The following RTN4 variants were observed in gnomAD, a reference collection of about 807,000 sequenced individuals.
RTN4 encodes reticulon-4.
In RTN4, 32 loss-of-function variants were observed where a neutral mutation model predicts 90.4. That is an observed-to-expected ratio of 0.35 (90% CI 0.27 to 0.48). The LOEUF is 0.48. Among genes scored for constraint, RTN4 ranks in the 20% least tolerant of loss-of-function variants. The pLI is 0.99. For synonymous variants in RTN4, 629 were observed against 552.5 expected, an observed-to-expected ratio of 1.14 and a Z score of -1.94; for missense variants, 1,706 against 1,430.2, an observed-to-expected ratio of 1.19 and a Z score of -3.11.
chr2:55,036,437 A>G (rs780857498), intron 1 of RTN4, among the ~76,000 whole-genome samples: 9 of 151,842 alleles, frequency 5.9e-5, no homozygotes, highest in Non-Finnish European at 1.0e-4. Context: ...CCCTGTCTCT[A>G]CTAAAAATAC....
intron 4 of RTN4, among the ~76,000 whole-genome samples, chr2:54,983,367 G>A (rs1293091065): frequency 3.3e-5 from 5 of 150,124 alleles, no homozygotes; most frequent in Admixed American, 3.3e-4. Flanking sequence ...ATACTATACT[G>A]GGGAAAAAGT....
intron 1 of RTN4, among the ~76,000 whole-genome samples, chr2:55,046,033 C>A (rs534687947): frequency 6.6e-6 from 1 of 152,290 alleles, no homozygotes; most frequent in Admixed American, 6.5e-5. Context: ...CTGGGCACAA[C>A]AGCAAACAGT....
At chr2:55,133,881 T>C in the RTN4 span, among the ~76,000 whole-genome samples, 3,906 of 152,182 alleles carry the variant, frequency 0.026, 164 homozygotes, top group African/African-American at 0.09. Flanking sequence ...GAGAGCAAAG[T>C]GAAAGCAAGT....
chr2:55,119,127 C>T, the RTN4 span, among the ~76,000 whole-genome samples: 1 of 152,138 alleles, frequency 6.6e-6, no homozygotes, highest in South Asian at 2.1e-4. Context: ...GATGGACTGC[C>T]CAATTATTAC....
chr2:55,090,580 A>G (rs1456481362), intron 1 of RTN4, among the ~76,000 whole-genome samples: 1 of 152,178 alleles, frequency 6.6e-6, no homozygotes, highest in Non-Finnish European at 1.5e-5. Flanking sequence ...TCCACCTGGA[A>G]GTTTCGCCAA....
intron 3 of RTN4, among the ~76,000 whole-genome samples, chr2:55,015,734 T>C (rs1680985214): frequency 6.6e-6 from 1 of 152,226 alleles, no homozygotes; most frequent in African/African-American, 2.4e-5. Context: ...CGAGTCATAG[T>C]AGATAACTCT....
At chr2:55,123,171 GC>G in the RTN4 span, among the ~76,000 whole-genome samples, 1 of 152,128 alleles carries the variant, frequency 6.6e-6, no homozygotes, top group Non-Finnish European at 1.5e-5. Context: ...GGAAGATAAA[GC>G]AATAGAATGC....
At chr2:55,063,746 T>C (rs1668342263) in intron 2 of RTN4, among the ~76,000 whole-genome samples, 2 of 151,772 alleles carry the variant, frequency 1.3e-5, no homozygotes, top group Non-Finnish European at 2.9e-5. Context: ...CCGGGCGTGG[T>C]GGTGGGCGCC....
chr2:55,047,575 G>GA (rs5831333), intron 1 of RTN4, among the ~76,000 whole-genome samples: 2 of 150,040 alleles, frequency 1.3e-5, no homozygotes, highest in Non-Finnish European at 3.0e-5. Context: ...AGTGAATTGA[G>GA]AAAAAAAAAA....
chr2:54,989,882 T>A (rs1053264444), intron 3 of RTN4, among the ~76,000 whole-genome samples: 1 of 152,190 alleles, frequency 6.6e-6, no homozygotes, highest in Non-Finnish European at 1.5e-5. Context: ...GTGGTTCTAA[T>A]AATTAATGCC....
intron 3 of RTN4, among the ~76,000 whole-genome samples, chr2:54,998,465 T>C (rs1384707903): frequency 6.6e-6 from 1 of 152,188 alleles, no homozygotes; most frequent in Non-Finnish European, 1.5e-5. Context: ...TAATTCTAAT[T>C]GATTTATTTA....
intron 4 of RTN4, 56 bp downstream of exon 4, chr2:54,987,435 A>C: frequency 8.0e-7 from 1 of 1,252,870 alleles, no homozygotes; most frequent in Non-Finnish European, 1.2e-6. Context: ...TGAAGTCTTA[A>C]TACCAATCCT....
At position 54,981,276 on chromosome 2, in the gene RTN4, TG is replaced by T. The variant is rs746068396; in HGVS notation, c.3360+1238del. On this transcript the variant is annotated intron_variant, in intron 5 of 8. Transcript: ENST00000337526. ...AACTACTAGGTTATAAAGGCTAAAA[TG>T]TTTTTGTTTTTTTTTTTTAAAAAGC... 5.1e-3 allele frequency among the ~76,000 whole-genome samples: 755 copies of T among 149,310 alleles called. 3 individuals carry two copies. The highest frequency in any genetic ancestry group is 7.2e-3 in the Non-Finnish European group (489 of 67,588).
At chr2:54,984,906 G>C (rs903802403) in intron 4 of RTN4, among the ~76,000 whole-genome samples, 2 of 152,266 alleles carry the variant, frequency 1.3e-5, no homozygotes, top group East Asian at 3.9e-4. Context: ...AGGAGTTCGA[G>C]ACTAGCCTGG....
At chr2:55,104,921 C>T (rs1011042878) in intron 1 of RTN4, among the ~76,000 whole-genome samples, 3 of 151,908 alleles carry the variant, frequency 2.0e-5, no homozygotes. Context: ...ATCTCCCCAC[C>T]TCAGCCTCTC....
the RTN4 span, among the ~76,000 whole-genome samples, chr2:55,118,419 C>A: frequency 6.6e-6 from 1 of 151,816 alleles, no homozygotes. Flanking sequence ...GAGCTGTGTT[C>A]ACACCATTTC....
chr2:55,008,345 A>C (rs1680390816), intron 3 of RTN4, among the ~76,000 whole-genome samples: 1 of 152,030 alleles, frequency 6.6e-6, no homozygotes, highest in South Asian at 2.1e-4. Flanking sequence ...TTTTTAGATG[A>C]GGAAAAACTC....
At chr2:55,108,994 G>A (rs1250451285) in intron 1 of RTN4, among the ~76,000 whole-genome samples, 1 of 152,060 alleles carries the variant, frequency 6.6e-6, no homozygotes, top group East Asian at 1.9e-4. Context: ...CCAAGTGACA[G>A]CAGGCTCAGC....
intron 3 of RTN4, among the ~76,000 whole-genome samples, chr2:55,023,144 G>T (rs1444974328): frequency 1.3e-5 from 2 of 152,080 alleles, no homozygotes; most frequent in South Asian, 2.1e-4. Context: ...TTACTCTCCT[G>T]CTATCACCCT....
Sources: allele counts gnomAD v4.1 joint callset (sites outside exome capture counted in the v4.1 genomes callset), GRCh38; gene constraint gnomAD v4.1.1; transcripts MANE v1.5; gene names NCBI Gene and HGNC (gene_info 2026-07-23, HGNC 2026-07-21).